ATP2A2: variants seen among roughly 807,000 people sequenced by gnomAD.
ATP2A2 encodes sarcoplasmic/endoplasmic reticulum calcium ATPase 2.
Under a neutral mutation model 109.3 loss-of-function variants are expected in ATP2A2, and 14 were observed. That is an observed-to-expected ratio of 0.13 (90% confidence interval 0.08 to 0.20). The LOEUF (loss-of-function observed/expected upper bound fraction) is 0.20, where lower values mean the gene tolerates loss of function less well. Among genes scored for constraint, ATP2A2 ranks in the 10% least tolerant of loss-of-function variants. The probability of loss-of-function intolerance (pLI) is 1.00; values close to 1 mark genes in which losing one functional copy is unlikely to be tolerated. For synonymous variants in ATP2A2, 506 were observed against 490.9 expected, an observed-to-expected ratio of 1.03 and a Z score of -0.41; for missense variants, 657 against 1,321.6, an observed-to-expected ratio of 0.50 and a Z score of 7.80.
chr12:110,346,695 ATT>A lies in ATP2A2; in HGVS notation c.*228_*229del, dbSNP rs1879898458. On this transcript the variant is annotated 3_prime_UTR_variant, in exon 20 of 20. Coordinates refer to ENST00000539276, the MANE Select transcript of ATP2A2 (RefSeq NM_170665.4). The stretch of plus-strand genomic sequence containing the variant: ...TTGACATGTACAGAGAACTAACACT[ATT>A]TTATGCAAATATTTTTTTGTAGATG... 7.1e-7 allele frequency: 1 copy of A among 1,402,994 alleles called. No individual in the cohort carries two copies. The highest frequency in any genetic ancestry group is 1.4e-5 in the African/African-American group (1 of 69,104). 86.9% of individuals were successfully genotyped at this position (1,402,994 alleles called of 1,614,324 possible).
rs67776124 is a variant in ATP2A2 at position 110,334,586 on chromosome 12, C to CTTT, written c.1419+461_1419+463dup. Among the ~76,000 whole-genome samples, 247 of 114,492 alleles carry CTTT rather than the reference C, an allele frequency of 2.2e-3. 4 individuals carry two copies. The highest frequency in any genetic ancestry group is 4.9e-3 in the Middle Eastern group (1 of 206). 75.1% of individuals were successfully genotyped at this position (114,492 alleles called of 152,430 possible). A position where few individuals can be genotyped will look rare whatever the true frequency, so the allele number is the denominator to read the frequency against. ...ACTTTCTTTTCCTGTTCAATTAAAC[C>CTTT]TTTTTTTTTTTTTTTTTTTTGAGAC... is the stretch of plus-strand genomic sequence containing the variant. On this transcript the variant is annotated intron_variant, in intron 11 of 19. Coordinates refer to ENST00000539276, the MANE Select transcript of ATP2A2 (RefSeq NM_170665.4).
intron 3 of ATP2A2, among the ~76,000 whole-genome samples, chr12:110,287,557 TGG>T (rs1872787716): frequency 6.6e-6 from 1 of 152,188 alleles, no homozygotes; most frequent in African/African-American, 2.4e-5. Context: ...TCCAAAACTA[TGG>T]GGCAGTGGTC....
intron 18 of ATP2A2, 102 bp downstream of exon 18, chr12:110,345,484 T>C: frequency 8.4e-6 from 13 of 1,538,516 alleles, no homozygotes; most frequent in Non-Finnish European, 1.2e-5. Flanking sequence ...GGACAGTTCT[T>C]CCCTTCCCAA....
chr12:110,293,850 G>GTATA, intron 4 of ATP2A2, among the ~76,000 whole-genome samples: 1 of 122,480 alleles, frequency 8.2e-6, no homozygotes, highest in Non-Finnish European at 1.7e-5. Context: ...GTGTGTGTGT[G>GTATA]TGTGTGTGTG....
At chr12:110,294,437 A>G (rs1592800607) in intron 4 of ATP2A2, among the ~76,000 whole-genome samples, 1 of 152,170 alleles carries the variant, frequency 6.6e-6, no homozygotes, top group South Asian at 2.1e-4. Flanking sequence ...AGGCGGGTGG[A>G]TCAGTTAAGG....
chr12:110,347,263 A>AT lies in ATP2A2; in HGVS notation c.*796dup. ...AGACATTGTTTTGCCAACATTGCCT[A>AT]TTTCAGTGGCACGTCATCTAGTTTT... On this transcript the variant is annotated 3_prime_UTR_variant, in exon 20 of 20. Transcript: ENST00000539276. The AT allele has an allele frequency of 8.1e-7, 1 of 1,239,962 alleles. No homozygotes were observed. Among genetic ancestry groups the AT allele is most frequent in the Non-Finnish European group, 1.0e-6 (1 of 964,010 alleles). The allele number at this position is 1,239,962 out of a possible 1,614,324, so 76.8% of individuals were successfully genotyped here.
At position 110,344,873 on chromosome 12, in the gene ATP2A2, T is replaced by C. The variant is rs762537365; in HGVS notation, c.2522-13T>C. On this transcript the variant is annotated splice_polypyrimidine_tract_variant and intron_variant, in intron 16 of 19. Transcript: ENST00000539276. ...AGAGGCAAGTGCATCAGCATCACTGTGTTTGTTCCCAGGTTACGTCGGCGC... is the reference window on the plus strand; with the variant it reads ...AGAGGCAAGTGCATCAGCATCACTGCGTTTGTTCCCAGGTTACGTCGGCGC... 34 of 1,613,914 alleles carry C rather than the reference T, an allele frequency of 2.1e-5. 1 individual carries two copies. In the South Asian group the frequency reaches 3.4e-4, roughly 16 times the overall value.
intron 3 of ATP2A2, among the ~76,000 whole-genome samples, chr12:110,290,144 G>A (rs913127088): frequency 6.6e-6 from 1 of 152,192 alleles, no homozygotes; most frequent in African/African-American, 2.4e-5. Flanking sequence ...CAACAGCTTT[G>A]CGGTTCTGAA....
chr12:110,328,720 C>G (rs1248137804), intron 8 of ATP2A2, among the ~76,000 whole-genome samples: 1 of 152,154 alleles, frequency 6.6e-6, no homozygotes, highest in East Asian at 1.9e-4. Flanking sequence ...TGCATGCCAC[C>G]ATGCCCCACT....
In ATP2A2 at chr12:110,348,094, G is replaced by A. The variant is rs1278088164; in HGVS notation, c.*1624G>A. ...GGCATTTCAGCCAGACCAACAGGCT[G>A]AAGGAGCTGTGCAGACTATTGCTAA... On this transcript the variant is annotated 3_prime_UTR_variant, in exon 20 of 20. Transcript: ENST00000539276. 6.8e-5 allele frequency: 67 copies of A among 986,224 alleles called. No individual in the cohort carries two copies. Among genetic ancestry groups the A allele is most frequent in the Non-Finnish European group, 7.5e-5 (62 of 830,588 alleles). The allele number at this position is 986,224 out of a possible 1,614,324, so 61.1% of individuals were successfully genotyped here.
At position 110,282,811 on chromosome 12, in the gene ATP2A2, T is replaced by A. The variant is rs775565078; in HGVS notation, c.219+16T>A. On this transcript the variant is annotated intron_variant, in intron 3 of 19. Transcript: ENST00000539276. ...TATATCTTTTGTAAGTATAAAAAAATTTATTTTCTTTCCCCCCAAAAGCTG... is the reference window on the plus strand; with the variant it reads ...TATATCTTTTGTAAGTATAAAAAAAATTATTTTCTTTCCCCCCAAAAGCTG... 5 of 1,591,736 alleles carry A rather than the reference T, an allele frequency of 3.1e-6. No individual in the cohort carries two copies. Among genetic ancestry groups the A allele is most frequent in the Non-Finnish European group, 4.3e-6 (5 of 1,162,076 alleles).
At chr12:110,305,431 C>T (rs1346914811) in intron 5 of ATP2A2, among the ~76,000 whole-genome samples, 3 of 152,168 alleles carry the variant, frequency 2.0e-5, no homozygotes, top group Non-Finnish European at 4.4e-5. Flanking sequence ...ACAGCAAAAA[C>T]TATGGTGTGA....
chr12:110,323,492 C>T (rs968753285), intron 6 of ATP2A2, among the ~76,000 whole-genome samples: 16 of 152,066 alleles, frequency 1.1e-4, no homozygotes, highest in African/African-American at 1.4e-4. Flanking sequence ...GCTGCCGATA[C>T]GGTTTTAAAG....
intron 4 of ATP2A2, 23 bp downstream of exon 4, chr12:110,292,147 C>A: frequency 6.5e-7 from 1 of 1,533,554 alleles, no homozygotes; most frequent in Non-Finnish European, 9.0e-7. Context: ...TCCTGTACTG[C>A]AAAATTTCAA....
At position 110,332,688 on chromosome 12, in the gene ATP2A2, G is replaced by A. The variant is rs1482317381; in HGVS notation, c.1184+3G>A. ...ACTTATGCACCTATTGGAGAAGTGT[G>A]AGTAACCCTCCTCCTCATTTAAAGG... is the stretch of plus-strand genomic sequence containing the variant. On this transcript the variant is annotated splice_donor_region_variant and intron_variant, in intron 9 of 19. Transcript: ENST00000539276. 1 of 1,599,616 alleles carries A rather than the reference G, an allele frequency of 6.3e-7. No individual in the cohort carries two copies. The highest frequency in any genetic ancestry group is 1.3e-5 in the African/African-American group (1 of 74,692).
chr12:110,346,245 G>A lies in ATP2A2; in HGVS notation c.2904G>A (p.Met968Ile). Residue 968 changes from methionine (M) to isoleucine (I), a missense_variant, in exon 20 of 20, where the codon ATG becomes ATA. Met to Ile is a conservative substitution (Grantham distance 10). Around this residue, in one of 9 missense-constraint regions of ATP2A2, gnomAD observed 125 missense variants for 243.5 expected, o/e 0.51. Transcript: ENST00000539276. The stretch of plus-strand genomic sequence containing the variant: ...CGCTGAACGTGACCCAGTGGCTGAT[G>A]GTGCTGAAAATCTCCTTGCCCGTGA... The part of the protein sequence containing the change: ...ITPLNVTQWL[M>I]VLKISLPVIL... 11 of 1,614,196 alleles carry A rather than the reference G, an allele frequency of 6.8e-6. No homozygotes were observed. Among genetic ancestry groups the A allele is most frequent in the Non-Finnish European group, 9.3e-6 (11 of 1,180,034 alleles).
intron 5 of ATP2A2, among the ~76,000 whole-genome samples, chr12:110,303,353 G>A (rs1476816057): frequency 2.6e-5 from 4 of 151,854 alleles, no homozygotes; most frequent in Admixed American, 6.6e-5. Flanking sequence ...TCAGTCTCCC[G>A]AGTAGCTGGG....
chr12:110,333,365 CCT>C, intron 10 of ATP2A2, 82 bp downstream of exon 10: 1 of 1,317,716 alleles, frequency 7.6e-7, no homozygotes, highest in East Asian at 2.3e-5. Flanking sequence ...AGCCTGCCTT[CCT>C]CCCTTTTGAA....
rs772293455 is a variant in ATP2A2, at chr12:110,323,016, T to C, written c.488T>C (p.Ile163Thr). Residue 163 changes from isoleucine (I) to threonine (T), a missense_variant, in exon 6 of 20, where the codon ATA becomes ACA. Physicochemically the swap from Ile to Thr is moderately conservative, Grantham distance 89 (BLOSUM62 -1). Transcript: ENST00000539276. ...GTTGGTGACAAAGTTCCTGCTGATA[T>C]AAGGTTAACTTCCATCAAATCTACC... ...IAVGDKVPAD[I>T]RLTSIKSTTL... 9.9e-6 allele frequency: 16 copies of C among 1,613,428 alleles called. No homozygotes were observed. The highest frequency in any genetic ancestry group is 2.2e-5 in the East Asian group (1 of 44,878).
Sources: gnomAD v4.1 joint callset for allele counts (sites outside exome capture counted in the v4.1 genomes callset) on GRCh38, gnomAD v4.1.1 for gene constraint, gnomAD v4.1.1 regional missense constraint, MANE v1.5 for transcripts, NCBI Gene and HGNC (gene_info 2026-07-23, HGNC 2026-07-21) for gene names.